CHSY1: variants seen among roughly 807,000 people sequenced by gnomAD.
The protein encoded by CHSY1 is N-acetylgalactosaminyl-proteoglycan 3-beta-glucuronosyltransferase 1.
Under a neutral mutation model 59.8 loss-of-function variants are expected in CHSY1, and 13 were observed. The observed-to-expected ratio is 0.22, with a 90% confidence interval of 0.14 to 0.35. The LOEUF (loss-of-function observed/expected upper bound fraction) is 0.35. Among genes scored for constraint, CHSY1 ranks in the 10% least tolerant of loss-of-function variants. The probability of loss-of-function intolerance (pLI) is 1.00; values close to 1 mark genes in which losing one functional copy is unlikely to be tolerated. For missense variants in CHSY1, 947 were observed against 1,030.6 expected (o/e 0.92, Z 1.11); for synonymous variants, 459 against 401.2 (o/e 1.14, Z -1.72).
In CHSY1 at chr15:101,178,357, G is replaced by T. The variant is rs1382226509; in HGVS notation, c.1440C>A (p.Ile480=). ...CCAGCTCCTCATGCTCCACAAACTG[G>T]ATTTTGCTGAAAGTCTGCTGTAAAT... The part of the protein sequence containing the change: ...HAYLQQTFSK[I]QFVEHEELDA... The change falls in exon 3 of 3, where the codon ATC becomes ATA. Residue 480 remains isoleucine, a synonymous_variant. Transcript: ENST00000254190. 1.9e-6 allele frequency: 3 copies of T among 1,607,858 alleles called. No homozygotes were observed. The highest frequency in any genetic ancestry group is 2.6e-6 in the Non-Finnish European group (3 of 1,175,072).
intron 1 of CHSY1, among the ~76,000 whole-genome samples, chr15:101,243,785 A>G (rs532112633): frequency 2.6e-5 from 4 of 152,370 alleles, no homozygotes; most frequent in Non-Finnish European, 2.9e-5. Context: ...TGAAGGCCAG[A>G]CAACTTGATT....
At position 101,251,958 on chromosome 15, in the gene CHSY1, C is replaced by T. The variant is rs1228353809; in HGVS notation, c.-502G>A. 6.6e-6 allele frequency: 1 copy of T among 151,228 alleles called. No individual in the cohort carries two copies. Among genetic ancestry groups the T allele is most frequent in the Non-Finnish European group, 1.5e-5 (1 of 67,820 alleles). 9.4% of individuals were successfully genotyped at this position (151,228 alleles called of 1,614,324 possible). A position where few individuals can be genotyped will look rare whatever the true frequency, so the allele number is the denominator to read the frequency against. On this transcript the variant is annotated 5_prime_UTR_variant, in exon 1 of 3. It adds an upstream start codon to the 5' untranslated region. Transcript: ENST00000254190. ...ATTGCAACAGGAGCCCCTCACGTCA[C>T]GCACGGCGCGTTATGAAGTGGCCCC... is the stretch of plus-strand genomic sequence containing the variant.
chr15:101,199,331 G>A (rs1033636723), intron 2 of CHSY1, among the ~76,000 whole-genome samples: 7 of 152,096 alleles, frequency 4.6e-5, no homozygotes, highest in East Asian at 1.9e-4. Context: ...GTGAAACTCC[G>A]TCTCTACTAA....
chr15:101,177,709 C>T lies in CHSY1; in HGVS notation c.2088G>A (p.Thr696=), dbSNP rs150245745. 5.0e-4 allele frequency: 803 copies of T among 1,614,186 alleles called. 8 individuals are homozygous for T. In the African/African-American group the frequency reaches 7.7e-3, roughly 15 times the overall value. ...GFWRNYGFGI[T]CIYKGDLVRV... Reference sequence around the variant, plus strand: ...GGACAAGATCTCCCTTATAAATACACGTGATGCCAAACCCATAGTTTCTCC... The same window carrying T: ...GGACAAGATCTCCCTTATAAATACATGTGATGCCAAACCCATAGTTTCTCC... The change falls in exon 3 of 3, where the codon ACG becomes ACA. Residue 696 remains threonine (T), a synonymous_variant. Coordinates refer to ENST00000254190, the MANE Select transcript of CHSY1 (RefSeq NM_014918.5).
At chr15:101,189,427 C>T in intron 2 of CHSY1, 5 of 985,466 alleles carry the variant, frequency 5.1e-6, no homozygotes, top group Non-Finnish European at 6.0e-6. Context: ...AACAAACTTA[C>T]AGGGACAAGG....
rs751409111 is a variant in CHSY1 at position 101,251,436 on chromosome 15, G to T, written c.21C>A (p.Arg7=). Residue 7 remains arginine, a synonymous_variant, in exon 1 of 3, where the codon CGC becomes CGA. Coordinates refer to ENST00000254190, the MANE Select transcript of CHSY1 (RefSeq NM_014918.5). The part of the protein sequence containing the change: MAARGR[R]AWLSVLLGLV... Reference sequence around the variant, plus strand: ...GCCCGAGCAGCACGCTGAGCCAGGCGCGCCGGCCGCGCGCGGCCATGCCCG... The same window carrying T: ...GCCCGAGCAGCACGCTGAGCCAGGCTCGCCGGCCGCGCGCGGCCATGCCCG... 5 of 1,072,646 alleles carry T rather than the reference G, an allele frequency of 4.7e-6. No individual in the cohort carries two copies. The South Asian group carries it at 7.3e-5, about 16-fold the overall frequency. The allele number at this position is 1,072,646 out of a possible 1,614,324, so 66.4% of individuals were successfully genotyped here.
At chr15:101,179,275 C>T (rs1029896231) in intron 2 of CHSY1, among the ~76,000 whole-genome samples, 5 of 152,166 alleles carry the variant, frequency 3.3e-5, no homozygotes, top group African/African-American at 1.2e-4. Context: ...CACAGTGCAC[C>T]ACAGGAGCAT....
At chr15:101,233,249 G>A (rs1346257378) in intron 2 of CHSY1, among the ~76,000 whole-genome samples, 3 of 152,094 alleles carry the variant, frequency 2.0e-5, no homozygotes, top group Non-Finnish European at 4.4e-5. Flanking sequence ...TGGCACTAAC[G>A]CTAAACCCAA....
chr15:101,178,417 C>T lies in CHSY1; in HGVS notation c.1380G>A (p.Gly460=). The T allele has an allele frequency of 6.2e-7, 1 of 1,613,544 alleles. No individual in the cohort carries two copies. Among genetic ancestry groups the T allele is most frequent in the Non-Finnish European group, 8.5e-7 (1 of 1,179,484 alleles). Reference sequence around the variant, plus strand: ...TCCTCACAGGGACCGTCATTTTCTTCCCTTTGTGCTTTTTGTACAGAAGCA... The same window carrying T: ...TCCTCACAGGGACCGTCATTTTCTTTCCTTTGTGCTTTTTGTACAGAAGCA... ...DLLLLYKKHK[G]KKMTVPVRRH... The change falls in exon 3 of 3, where the codon GGG becomes GGA. Residue 460 remains glycine, a synonymous_variant. Coordinates refer to ENST00000254190, the MANE Select transcript of CHSY1 (RefSeq NM_014918.5).
chr15:101,191,386 G>C (rs544948336), intron 2 of CHSY1, among the ~76,000 whole-genome samples: 1 of 152,336 alleles, frequency 6.6e-6, no homozygotes, highest in African/African-American at 2.4e-5. Context: ...TATGAAGACA[G>C]TAAAAAGATG....
chr15:101,206,375 CA>C (rs1311339980), intron 2 of CHSY1, among the ~76,000 whole-genome samples: 1 of 152,002 alleles, frequency 6.6e-6, no homozygotes, highest in African/African-American at 2.4e-5. Flanking sequence ...GAGTCAGAGG[CA>C]GGGGTGGAGG....
intron 2 of CHSY1, among the ~76,000 whole-genome samples, chr15:101,196,078 G>A (rs1240845706): frequency 2.0e-5 from 3 of 151,890 alleles, no homozygotes; most frequent in Non-Finnish European, 2.9e-5. Context: ...GTGAAACCCT[G>A]TCTCTACTAA....
intron 2 of CHSY1, among the ~76,000 whole-genome samples, chr15:101,202,144 G>C: frequency 6.8e-6 from 1 of 146,828 alleles, no homozygotes. Flanking sequence ...AGGGAAGGAT[G>C]GAGGGCATTT....
At chr15:101,219,472 C>A (rs1347880725) in intron 2 of CHSY1, among the ~76,000 whole-genome samples, 1 of 152,174 alleles carries the variant, frequency 6.6e-6, no homozygotes, top group Non-Finnish European at 1.5e-5. Flanking sequence ...GGTGGATTAT[C>A]TTTTTAAAAA....
At chr15:101,182,996 T>C (rs184516940) in intron 2 of CHSY1, among the ~76,000 whole-genome samples, 1 of 151,846 alleles carries the variant, frequency 6.6e-6, no homozygotes, top group Non-Finnish European at 1.5e-5. Context: ...AAATCTACAA[T>C]ATAGTCAAAG....
At chr15:101,250,303 G>A (rs1159455427) in intron 1 of CHSY1, among the ~76,000 whole-genome samples, 3 of 152,134 alleles carry the variant, frequency 2.0e-5, no homozygotes, top group Non-Finnish European at 4.4e-5. Flanking sequence ...CCTTTATCGA[G>A]TCTACAACCC....
intron 2 of CHSY1, among the ~76,000 whole-genome samples, chr15:101,234,348 A>C (rs2038918955): frequency 6.6e-6 from 1 of 152,218 alleles, no homozygotes; most frequent in Non-Finnish European, 1.5e-5. Context: ...AAAACACGTT[A>C]AGTTTCTAAT....
Position 101,251,707 on chromosome 15 carries a change from C to A in CHSY1, c.-251G>T, listed in dbSNP as rs1173620867. On this transcript the variant is annotated 5_prime_UTR_variant, in exon 1 of 3. Coordinates refer to ENST00000254190, the MANE Select transcript of CHSY1 (RefSeq NM_014918.5). Reference sequence around the variant, plus strand: ...TTAAGAGGGGACCATGCCCGGCGCGCGCTAGCGGCGGCTCGGGCGCGAGGT... The same window carrying A: ...TTAAGAGGGGACCATGCCCGGCGCGAGCTAGCGGCGGCTCGGGCGCGAGGT... 3.4e-5 allele frequency: 5 copies of A among 147,900 alleles called. No individual in the cohort carries two copies. Among genetic ancestry groups the A allele is most frequent in the African/African-American group, 1.2e-4 (5 of 40,906 alleles). 9.2% of individuals were successfully genotyped at this position (147,900 alleles called of 1,614,324 possible).
intron 1 of CHSY1, among the ~76,000 whole-genome samples, chr15:101,243,381 C>T (rs1260285729): frequency 6.6e-6 from 1 of 152,222 alleles, no homozygotes; most frequent in Non-Finnish European, 1.5e-5. Context: ...TAATGATCCA[C>T]ATGAACCAAA....
Sources: allele counts gnomAD v4.1 joint callset (sites outside exome capture counted in the v4.1 genomes callset), GRCh38; gene constraint gnomAD v4.1.1; transcripts MANE v1.5; gene names NCBI Gene and HGNC (gene_info 2026-07-23, HGNC 2026-07-21).